UTP20: variants seen among roughly 807,000 people sequenced by gnomAD.
UTP20 encodes small subunit processome component 20 homolog.
In UTP20, 164 loss-of-function variants were observed where a neutral mutation model predicts 329.5. That is an observed-to-expected ratio of 0.50 (90% CI 0.44 to 0.57). The LOEUF is 0.57. Among genes scored for constraint, UTP20 ranks in the 20% least tolerant of loss-of-function variants. UTP20 has a pLI of 0.00. For missense variants in UTP20, 3,055 were observed against 3,284.2 expected (o/e 0.93, Z 1.71); for synonymous variants, 1,151 against 1,159.3 (o/e 0.99, Z 0.14).
intron 39 of UTP20, 68 bp from the exon 40 acceptor site, chr12:101,352,979 C>G: frequency 1.0e-6 from 1 of 955,994 alleles, no homozygotes; most frequent in Non-Finnish European, 1.5e-6. Context: ...TTTAAATTTC[C>G]TCTCCTTTTA....
At chr12:101,359,401 T>C (rs928885817) in intron 43 of UTP20, among the ~76,000 whole-genome samples, 1 of 152,008 alleles carries the variant, frequency 6.6e-6, no homozygotes, top group Non-Finnish European at 1.5e-5. Context: ...TGCAGTGCAC[T>C]CTTTCTCCTC....
Position 101,308,265 on chromosome 12 carries a change from T to C in UTP20, c.2076T>C (p.Tyr692=). ...AELVPATVND[Y]REKLLHLRKL... ...TTGTTCCAGCAACTGTGAATGATTA[T>C]AGAGAGAAGCTTCTTCATTTGAGAA... The change falls in exon 18 of 62, where the codon TAT becomes TAC. Residue 692 remains tyrosine (Y), a synonymous_variant. Coordinates refer to ENST00000261637, the MANE Select transcript of UTP20 (RefSeq NM_014503.3). 1.2e-6 allele frequency: 2 copies of C among 1,613,152 alleles called. No individual in the cohort carries two copies. The highest frequency in any genetic ancestry group is 8.5e-7 in the Non-Finnish European group (1 of 1,179,624).
chr12:101,321,776 G>A, intron 25 of UTP20, 147 bp downstream of exon 25: 1 of 1,059,446 alleles, frequency 9.4e-7, no homozygotes, highest in Non-Finnish European at 1.3e-6. Context: ...ATGGGGTCTT[G>A]CTCTGTCACC....
At chr12:101,307,559 TA>T (rs1164137564) in intron 17 of UTP20, among the ~76,000 whole-genome samples, 1 of 152,104 alleles carries the variant, frequency 6.6e-6, no homozygotes, top group Non-Finnish European at 1.5e-5. Flanking sequence ...GTATTGTTAG[TA>T]AAGATGGAGT....
chr12:101,293,062 G>A, intron 10 of UTP20, 106 bp from the exon 11 acceptor site: 1 of 1,116,190 alleles, frequency 9.0e-7, no homozygotes, highest in Non-Finnish European at 1.3e-6. Context: ...ACTGGACAGA[G>A]CACTGAGTGA....
intron 21 of UTP20, among the ~76,000 whole-genome samples, chr12:101,315,330 A>C (rs1872939281): frequency 6.6e-6 from 1 of 152,018 alleles, no homozygotes; most frequent in Non-Finnish European, 1.5e-5. Context: ...CCAAAAATAC[A>C]AAAATTAGCC....
chr12:101,353,050 G>T lies in UTP20; in HGVS notation c.5028G>T (p.Leu1676Phe). 1.3e-6 allele frequency: 2 copies of T among 1,545,464 alleles called. No individual in the cohort carries two copies. The highest frequency in any genetic ancestry group is 1.8e-5 in the Admixed American group (1 of 55,854). Reference protein sequence around the residue: ...GQINQKLGVSLLVIVLEAFHF... With the variant: ...GQINQKLGVSFLVIVLEAFHF... ...TGTATACTTTTTTTTTTAACAGTTT[G>T]CTAGTAATAGTGTTAGAAGCATTCC... Residue 1676 changes from leucine (L) to phenylalanine (F), a missense_variant, in exon 40 of 62, where the codon TTG becomes TTT. Physicochemically the swap from Leu to Phe is conservative, Grantham distance 22 (BLOSUM62 0). Transcript: ENST00000261637.
chr12:101,286,576 C>G (rs1593416425), intron 5 of UTP20, 67 bp downstream of exon 5: 6 of 1,317,174 alleles, frequency 4.6e-6, no homozygotes, highest in Non-Finnish European at 5.0e-6. Flanking sequence ...TTCTTTATGA[C>G]TCCAAACCAC....
At chr12:101,309,183 T>C (rs1872715909) in intron 18 of UTP20, among the ~76,000 whole-genome samples, 1 of 152,220 alleles carries the variant, frequency 6.6e-6, no homozygotes, top group Non-Finnish European at 1.5e-5. Context: ...TATATAAATA[T>C]ACTTCTGTTT....
Position 101,317,680 on chromosome 12 carries a change from T to C in UTP20, c.2738+17T>C, listed in dbSNP as rs199781568. 25 of 1,591,088 alleles carry C rather than the reference T, an allele frequency of 1.6e-5. No individual in the cohort carries two copies. In the African/African-American group the frequency reaches 2.8e-4, roughly 18 times the overall value. ...TGCAGCAAAGTAAGTTCACCATTGC[T>C]GAAAGATCACAGATCCACAGTTCTG... On this transcript the variant is annotated intron_variant, in intron 22 of 61. Coordinates refer to ENST00000261637, the MANE Select transcript of UTP20 (RefSeq NM_014503.3).
intron 40 of UTP20, 50 bp from the exon 41 acceptor site, chr12:101,354,782 G>A: frequency 6.4e-7 from 1 of 1,571,036 alleles, no homozygotes; most frequent in Non-Finnish European, 8.6e-7. Context: ...CCACAACTGT[G>A]TGGTTTCATT....
chr12:101,350,270 G>A (rs1414990896), intron 38 of UTP20, among the ~76,000 whole-genome samples: 2 of 152,000 alleles, frequency 1.3e-5, no homozygotes, highest in East Asian at 1.9e-4. Flanking sequence ...GGACTCAAAC[G>A]ATCCTCCTAC....
intron 23 of UTP20, among the ~76,000 whole-genome samples, chr12:101,320,525 C>G (rs1490407440): frequency 6.6e-6 from 1 of 151,344 alleles, no homozygotes; most frequent in Non-Finnish European, 1.5e-5. Flanking sequence ...CACTGCACTC[C>G]AGCCTGGAAA....
chr12:101,284,063 A>G (rs183766144), intron 2 of UTP20, among the ~76,000 whole-genome samples: 1 of 151,540 alleles, frequency 6.6e-6, no homozygotes, highest in Non-Finnish European at 1.5e-5. Context: ...CTCTCTCTCT[A>G]TAAACACATA....
At position 101,369,729 on chromosome 12, in the gene UTP20, A is replaced by G; in HGVS notation, c.6393A>G (p.Thr2131=). 1 of 1,554,364 alleles carries G rather than the reference A, an allele frequency of 6.4e-7. No individual in the cohort carries two copies. Among genetic ancestry groups the G allele is most frequent in the Non-Finnish European group, 8.9e-7 (1 of 1,126,250 alleles). Residue 2131 remains threonine, a synonymous_variant, in exon 49 of 62, where the codon ACA becomes ACG. Transcript: ENST00000261637. ...CLGSMDVKVI[T]GALQCLIWVL... The stretch of plus-strand genomic sequence containing the variant: ...TGTTTTGTTTTTTTCAGGTGATCAC[A>G]GGTGCTTTACAGTGCCTCATCTGGG...
intron 58 of UTP20, 124 bp from the exon 59 acceptor site, chr12:101,382,917 T>C: frequency 8.3e-7 from 1 of 1,207,806 alleles, no homozygotes; most frequent in African/African-American, 1.5e-5. Flanking sequence ...GTTAAATAGT[T>C]GTAATACCTA....
At position 101,290,842 on chromosome 12, in the gene UTP20, C is replaced by T. The variant is rs139257599; in HGVS notation, c.845C>T (p.Ser282Phe). 10 of 1,613,776 alleles carry T rather than the reference C, an allele frequency of 6.2e-6. No homozygotes were observed. The highest frequency in any genetic ancestry group is 1.7e-4 in the Middle Eastern group (1 of 6,058). ...AAAAACATGGTCAAATCCACTGTAT[C>T]CTACATCTCCAAGGAACATTTTGGT... ...TLKNMVKSTV[S>F]YISKEHFGTF... is the part of the protein sequence containing the mutation. The change falls in exon 8 of 62, where the codon TCC becomes TTC. Residue 282 changes from serine to phenylalanine, a missense_variant. Physicochemically the swap from Ser to Phe is radical, Grantham distance 155. This residue lies in a region of UTP20 where 2,445 missense variants were observed against 2,575.5 expected (regional missense o/e 0.95). Transcript: ENST00000261637.
At chr12:101,367,311 A>T (rs1870130309) in intron 47 of UTP20, among the ~76,000 whole-genome samples, 1 of 152,106 alleles carries the variant, frequency 6.6e-6, no homozygotes, top group Non-Finnish European at 1.5e-5. Flanking sequence ...AAATAAAATA[A>T]AAGACGGTGA....
At chr12:101,336,979 C>G (rs1312778996) in intron 29 of UTP20, among the ~76,000 whole-genome samples, 4 of 152,234 alleles carry the variant, frequency 2.6e-5, no homozygotes, top group Non-Finnish European at 4.4e-5. Context: ...CTTCCCTTTT[C>G]TGCTAGAAAA....
Sources: allele counts gnomAD v4.1 joint callset (sites outside exome capture counted in the v4.1 genomes callset), GRCh38; gene constraint gnomAD v4.1.1; regional missense constraint gnomAD v4.1.1; transcripts MANE v1.5; gene names NCBI Gene and HGNC (gene_info 2026-07-23, HGNC 2026-07-21).